FYB1: variants seen among roughly 807,000 people sequenced by gnomAD.
FYB1 encodes the protein FYN-binding protein 1.
A neutral mutation model predicts 94.1 loss-of-function variants in FYB1; 41 were observed. That is an observed-to-expected ratio of 0.44 (90% CI 0.34 to 0.57). The LOEUF (loss-of-function observed/expected upper bound fraction) is 0.57. Among genes scored for constraint, FYB1 ranks in the 20% least tolerant of loss-of-function variants. FYB1 has a pLI of 0.02. For missense variants in FYB1, 1,050 were observed against 976.8 expected (o/e 1.07, Z -1.00); for synonymous variants, 367 against 353.2 (o/e 1.04, Z -0.44).
At chr5:39,139,495 G>A (rs1461424394) in intron 4 of FYB1, 12 of 289,310 alleles carry the variant, frequency 4.1e-5, no homozygotes, top group South Asian at 1.4e-4. Flanking sequence ...TGCAAAGGGC[G>A]AAAAATAATT....
At chr5:39,121,925 A>T (rs747743456) in intron 14 of FYB1, among the ~76,000 whole-genome samples, 1 of 152,172 alleles carries the variant, frequency 6.6e-6, no homozygotes, top group Non-Finnish European at 1.5e-5. Flanking sequence ...ATATTCAAGA[A>T]AAAAAGGTTT....
At chr5:39,208,139 G>A (rs1042136880) in intron 1 of FYB1, among the ~76,000 whole-genome samples, 2 of 152,080 alleles carry the variant, frequency 1.3e-5, no homozygotes, top group Non-Finnish European at 2.9e-5. Flanking sequence ...CTCATCTTTA[G>A]AACGTTCTTT....
At chr5:39,266,084 T>C (rs962077342) in intron 1 of FYB1, among the ~76,000 whole-genome samples, 1 of 152,274 alleles carries the variant, frequency 6.6e-6, no homozygotes, top group East Asian at 1.9e-4. Context: ...ATTCTACAAT[T>C]TAAAATGTAC....
chr5:39,223,026 T>C (rs1750334135), upstream of FYB1, among the ~76,000 whole-genome samples: 1 of 152,008 alleles, frequency 6.6e-6, no homozygotes, highest in African/African-American at 2.4e-5. Context: ...ACCCAGGTGA[T>C]GGGTTGATAA....
At chr5:39,244,630 G>T (rs1003918042) in intron 1 of FYB1, among the ~76,000 whole-genome samples, 1 of 152,034 alleles carries the variant, frequency 6.6e-6, no homozygotes, top group African/African-American at 2.4e-5. Context: ...GCCAGGCTTT[G>T]GTATCAGTAT....
At chr5:39,181,294 T>G (rs1413792660) in intron 2 of FYB1, among the ~76,000 whole-genome samples, 1 of 152,224 alleles carries the variant, frequency 6.6e-6, no homozygotes, top group Non-Finnish European at 1.5e-5. Flanking sequence ...GCGTATATAG[T>G]ATACTTATAT....
chr5:39,112,153 T>G (rs373619705), intron 16 of FYB1, among the ~76,000 whole-genome samples: 10 of 152,112 alleles, frequency 6.6e-5, no homozygotes, highest in Non-Finnish European at 1.3e-4. Context: ...ATCAGGGTTC[T>G]CATAACTGAA....
intron 1 of FYB1, among the ~76,000 whole-genome samples, chr5:39,260,152 G>C (rs536266776): frequency 1.3e-5 from 2 of 152,202 alleles, no homozygotes; most frequent in Non-Finnish European, 1.5e-5. Context: ...GCATAGGAAG[G>C]AGGAAATGAT....
chr5:39,136,828 G>A (rs1037775434), intron 7 of FYB1, among the ~76,000 whole-genome samples: 2 of 152,024 alleles, frequency 1.3e-5, no homozygotes, highest in African/African-American at 2.4e-5. Context: ...ATGCTCCAGA[G>A]GAATAAAAAT....
chr5:39,227,138 T>G (rs111405421), intron 1 of FYB1, among the ~76,000 whole-genome samples: 1 of 152,192 alleles, frequency 6.6e-6, no homozygotes, highest in Non-Finnish European at 1.5e-5. Context: ...TACGTTCATA[T>G]AAATCCATTA....
intron 2 of FYB1, among the ~76,000 whole-genome samples, chr5:39,185,970 T>A (rs16868275): frequency 0.034 from 5,192 of 151,794 alleles, 310 homozygotes; most frequent in African/African-American, 0.12. Flanking sequence ...CTGAGCAGAG[T>A]CCCGCTGGCT....
At chr5:39,134,177 G>A in intron 9 of FYB1, 31 bp downstream of exon 9, 1 of 1,509,912 alleles carries the variant, frequency 6.6e-7, no homozygotes. Context: ...GAGACAGTTT[G>A]ATCTGTTCTA....
intron 9 of FYB1, among the ~76,000 whole-genome samples, chr5:39,131,055 A>G (rs1250983914): frequency 6.6e-6 from 1 of 152,160 alleles, no homozygotes; most frequent in African/African-American, 2.4e-5. Context: ...CTCCTAGTCT[A>G]ATAGCAGTCA....
At chr5:39,262,347 T>C (rs1198063093) in intron 1 of FYB1, among the ~76,000 whole-genome samples, 1 of 152,106 alleles carries the variant, frequency 6.6e-6, no homozygotes, top group Non-Finnish European at 1.5e-5. Flanking sequence ...TGAGAGATAA[T>C]TTACAGAAGA....
At chr5:39,130,721 G>C in intron 9 of FYB1, 109 bp from the exon 10 acceptor site, 1 of 887,920 alleles carries the variant, frequency 1.1e-6, no homozygotes, top group South Asian at 1.5e-5. Flanking sequence ...CATTCCAGTC[G>C]AAAGTTCTTA....
chr5:39,200,001 G>A (rs1748170480), intron 2 of FYB1, among the ~76,000 whole-genome samples: 1 of 152,200 alleles, frequency 6.6e-6, no homozygotes, highest in Non-Finnish European at 1.5e-5. Context: ...TTGTGGAAGA[G>A]GTGAATGAAT....
chr5:39,182,315 G>GCA (rs1161511290), intron 2 of FYB1, among the ~76,000 whole-genome samples: 2 of 145,910 alleles, frequency 1.4e-5, no homozygotes, highest in Non-Finnish European at 3.0e-5. Flanking sequence ...GTGTGTGTGT[G>GCA]TGTGTGTGTG....
intron 1 of FYB1, among the ~76,000 whole-genome samples, chr5:39,265,345 G>T (rs2111693093): frequency 6.6e-6 from 1 of 152,240 alleles, no homozygotes; most frequent in Admixed American, 6.5e-5. Context: ...TTAGCCAGTT[G>T]TGATGGCGGG....
At chr5:39,149,782 G>T (rs902614819) in intron 3 of FYB1, among the ~76,000 whole-genome samples, 1 of 151,962 alleles carries the variant, frequency 6.6e-6, no homozygotes, top group Non-Finnish European at 1.5e-5. Context: ...CCAAGACCCC[G>T]GCGTTATTGA....
Sources: allele counts gnomAD v4.1 joint callset (sites outside exome capture counted in the v4.1 genomes callset), GRCh38; gene constraint gnomAD v4.1.1; transcripts MANE v1.5; gene names NCBI Gene and HGNC (gene_info 2026-07-23, HGNC 2026-07-21).